The following COL24A1 variants were observed in gnomAD, a reference collection of about 807,000 sequenced individuals.
COL24A1 encodes the protein collagen alpha-1(XXIV) chain.
COL24A1 carries 224 observed loss-of-function variants against 253.9 expected under a neutral mutation model. That is an observed-to-expected ratio of 0.88 (90% CI 0.79 to 0.99). The LOEUF is 0.99. Among genes scored for constraint, COL24A1 ranks in the 50% least tolerant of loss-of-function variants. The probability of loss-of-function intolerance (pLI) is 0.00; values close to 1 mark genes in which losing one functional copy is unlikely to be tolerated. For missense variants in COL24A1, 2,131 were observed against 2,068.5 expected (o/e 1.03, Z -0.59); for synonymous variants, 685 against 673.7 (o/e 1.02, Z -0.26).
intron 24 of COL24A1, among the ~76,000 whole-genome samples, chr1:85,915,795 CAGAG>C (rs1685839976): frequency 5.9e-5 from 9 of 152,114 alleles, no homozygotes; most frequent in Non-Finnish European, 1.2e-4. Flanking sequence ...ACTACAGGCA[CAGAG>C]CACCGTGCCC....
chr1:85,840,151 T>G (rs1305780547), intron 42 of COL24A1, among the ~76,000 whole-genome samples: 1 of 152,178 alleles, frequency 6.6e-6, no homozygotes, highest in East Asian at 1.9e-4. Context: ...GCTAGTCTTT[T>G]AATATATTTA....
intron 26 of COL24A1, 93 bp downstream of exon 26, chr1:85,909,857 A>C: frequency 1.0e-6 from 1 of 988,120 alleles, no homozygotes; most frequent in Admixed American, 1.9e-5. Flanking sequence ...TTTTTTACTC[A>C]GTTAAATTCC....
chr1:85,968,833 C>G (rs1490188557), intron 22 of COL24A1, among the ~76,000 whole-genome samples: 1 of 152,090 alleles, frequency 6.6e-6, no homozygotes, highest in Non-Finnish European at 1.5e-5. Flanking sequence ...TCTTTGAAAT[C>G]AAGCATTTCA....
intron 50 of COL24A1, 125 bp downstream of exon 50, chr1:85,783,988 A>G (rs1669404351): frequency 1.6e-6 from 1 of 641,604 alleles, no homozygotes; most frequent in Non-Finnish European, 2.6e-6. Flanking sequence ...CGAAACTCAA[A>G]TATATAAATA....
At chr1:85,801,250 T>G (rs1671396675) in intron 47 of COL24A1, among the ~76,000 whole-genome samples, 1 of 152,142 alleles carries the variant, frequency 6.6e-6, no homozygotes, top group Non-Finnish European at 1.5e-5. Context: ...TTTCTTTCAT[T>G]TGCTCCCCAG....
chr1:85,927,338 C>T (rs529947490), intron 24 of COL24A1, among the ~76,000 whole-genome samples: 5 of 152,074 alleles, frequency 3.3e-5, no homozygotes, highest in East Asian at 1.9e-4. Context: ...CCTGGAAAAT[C>T]GGGTCACTCC....
intron 5 of COL24A1, among the ~76,000 whole-genome samples, chr1:86,111,680 A>C (rs1705627401): frequency 6.6e-6 from 1 of 152,130 alleles, no homozygotes; most frequent in Non-Finnish European, 1.5e-5. Context: ...TTTGCAATAA[A>C]TCTTGCTGCT....
At chr1:85,925,343 A>G (rs1345847844) in intron 24 of COL24A1, among the ~76,000 whole-genome samples, 1 of 152,190 alleles carries the variant, frequency 6.6e-6, no homozygotes, top group African/African-American at 2.4e-5. Context: ...ATATGGAACC[A>G]AAAAAGAGCC....
At chr1:86,105,640 T>C (rs1363307688) in intron 5 of COL24A1, among the ~76,000 whole-genome samples, 1 of 125,974 alleles carries the variant, frequency 7.9e-6, no homozygotes, top group African/African-American at 2.6e-5. Context: ...CCTAGGGGGA[T>C]TGGCATTCCT....
intron 7 of COL24A1, among the ~76,000 whole-genome samples, chr1:86,065,052 G>T (rs754683804): frequency 2.6e-5 from 4 of 152,090 alleles, no homozygotes; most frequent in Non-Finnish European, 5.9e-5. Flanking sequence ...CATCCTCAGC[G>T]CTAAGACAGT....
chr1:86,083,787 A>G (rs565683884), intron 7 of COL24A1, among the ~76,000 whole-genome samples: 18 of 152,288 alleles, frequency 1.2e-4, no homozygotes, highest in Admixed American at 1.1e-3. Flanking sequence ...TTTAAGAGCA[A>G]CATTTTCATT....
In COL24A1 at chr1:85,842,468, T is replaced by C. The variant is rs138164675; in HGVS notation, c.3463-75A>G. 2,391 of 1,004,056 alleles carry C rather than the reference T, an allele frequency of 2.4e-3. 24 individuals carry two copies. In the African/African-American group the frequency reaches 0.035, roughly 15 times the overall value. 62.2% of individuals were successfully genotyped at this position (1,004,056 alleles called of 1,614,324 possible). ...TAAATCATTAGACTTCTACTCCTATTGTTTAAATTGTTACCTTTAGATTTT... is the reference window on the plus strand; with the variant it reads ...TAAATCATTAGACTTCTACTCCTATCGTTTAAATTGTTACCTTTAGATTTT... On this transcript the variant is annotated intron_variant, in intron 39 of 59. Transcript: ENST00000370571.
chr1:85,902,651 G>A (rs2102858940), intron 28 of COL24A1, among the ~76,000 whole-genome samples: 1 of 152,212 alleles, frequency 6.6e-6, no homozygotes. Flanking sequence ...CTAAAATGGG[G>A]GCTGGAGGTG....
chr1:85,929,030 A>G (rs1335615426), intron 24 of COL24A1, among the ~76,000 whole-genome samples: 2 of 19,744 alleles, frequency 1.0e-4, no homozygotes, highest in South Asian at 3.1e-3. Flanking sequence ...TCAACTAATG[A>G]GCAAAATCAC....
rs892418748 is a variant in COL24A1, at chr1:86,043,144, T to C, written c.1950+3681A>G. On this transcript the variant is annotated intron_variant, in intron 12 of 59. Coordinates refer to ENST00000370571, the MANE Select transcript of COL24A1 (RefSeq NM_152890.7). ...AAAAAATCTAAGTATAAAATGTTAA[T>C]AAAACTTTATAGATTTCTCTAAAAA... Among the ~76,000 whole-genome samples, 15 of 152,262 alleles carry C rather than the reference T, an allele frequency of 9.9e-5. No individual in the cohort carries two copies. In the South Asian group the frequency reaches 2.3e-3, roughly 23 times the overall value.
intron 43 of COL24A1, among the ~76,000 whole-genome samples, chr1:85,833,662 C>T (rs1258591498): frequency 1.3e-5 from 2 of 152,234 alleles, no homozygotes; most frequent in South Asian, 4.2e-4. Context: ...AAGACACATG[C>T]ACACGTATGT....
chr1:86,016,118 C>T (rs1237058837), intron 19 of COL24A1, among the ~76,000 whole-genome samples: 2 of 151,980 alleles, frequency 1.3e-5, no homozygotes, highest in East Asian at 1.9e-4. Context: ...CAAGGCGATC[C>T]TCTCACATCA....
intron 2 of COL24A1, among the ~76,000 whole-genome samples, chr1:86,140,361 G>A (rs1269082893): frequency 6.6e-6 from 1 of 152,198 alleles, no homozygotes; most frequent in Non-Finnish European, 1.5e-5. Context: ...TTTCTTAGAA[G>A]TATTCTTACT....
intron 22 of COL24A1, among the ~76,000 whole-genome samples, chr1:85,969,037 T>C (rs1005477891): frequency 1.3e-5 from 2 of 152,150 alleles, no homozygotes; most frequent in Non-Finnish European, 1.5e-5. Context: ...AGGTCCCAAA[T>C]TGATATTCAA....
Sources: gnomAD v4.1 joint callset for allele counts (sites outside exome capture counted in the v4.1 genomes callset) on GRCh38, gnomAD v4.1.1 for gene constraint, MANE v1.5 for transcripts, NCBI Gene and HGNC (gene_info 2026-07-23, HGNC 2026-07-21) for gene names.